Variants in FNBP1L observed in about 807,000 individuals in gnomAD.
The protein encoded by FNBP1L is formin binding protein 1 like, also known as formin-binding protein 1-like.
A neutral mutation model predicts 91.2 loss-of-function variants in FNBP1L; 36 were observed. The ratio of observed to expected loss-of-function variants is 0.39; its 90% confidence interval spans 0.30 to 0.52. The LOEUF is 0.52. Among genes scored for constraint, FNBP1L ranks in the 20% least tolerant of loss-of-function variants. The probability of loss-of-function intolerance (pLI) is 0.66; values close to 1 mark genes in which losing one functional copy is unlikely to be tolerated. For missense variants in FNBP1L, 571 were observed against 732.1 expected (o/e 0.78, Z 2.54); for synonymous variants, 242 against 237.0 (o/e 1.02, Z -0.19).
chr1:93,459,940 G>GGTGTGTGTGTGTGT (rs1557773915), intron 1 of FNBP1L, among the ~76,000 whole-genome samples: 1 of 54,830 alleles, frequency 1.8e-5, no homozygotes, highest in Non-Finnish European at 4.3e-5. Flanking sequence ...TTGGATTTCA[G>GGTGTGTGTGTGTGT]ATGTGTGTGT....
intron 1 of FNBP1L, among the ~76,000 whole-genome samples, chr1:93,485,997 C>T (rs1669882651): frequency 6.6e-6 from 1 of 152,150 alleles, no homozygotes; most frequent in Admixed American, 6.5e-5. Flanking sequence ...CGTGTCTGGC[C>T]ACATTATTTA....
intron 1 of FNBP1L, among the ~76,000 whole-genome samples, chr1:93,483,322 A>C (rs1487483871): frequency 1.3e-5 from 2 of 152,192 alleles, no homozygotes; most frequent in South Asian, 4.1e-4. Context: ...TGTGCCACTA[A>C]TGGTGCCTAG....
intron 10 of FNBP1L, among the ~76,000 whole-genome samples, chr1:93,536,749 A>G (rs1671864322): frequency 6.6e-6 from 1 of 152,054 alleles, no homozygotes; most frequent in African/African-American, 2.4e-5. Context: ...ATGTGAAATC[A>G]TATGTTCACC....
chr1:93,472,381 A>G (rs1008314958), intron 1 of FNBP1L, among the ~76,000 whole-genome samples: 2 of 152,142 alleles, frequency 1.3e-5, no homozygotes, highest in Admixed American at 1.3e-4. Flanking sequence ...AAACTACTTC[A>G]TAGTAAGTGG....
chr1:93,448,339 C>G (rs954789794), intron 1 of FNBP1L, 34 bp downstream of exon 1: 2 of 1,483,346 alleles, frequency 1.3e-6, no homozygotes, highest in Non-Finnish European at 1.8e-6. Context: ...CGCACGGACC[C>G]CGGCCCCTGA....
intron 7 of FNBP1L, 23 bp from the exon 8 acceptor site, chr1:93,532,899 T>C: frequency 6.4e-7 from 1 of 1,564,990 alleles, no homozygotes; most frequent in South Asian, 1.2e-5. Context: ...TTTTCTCTTT[T>C]TAAAAAAATT....
At chr1:93,514,024 CTG>C (rs1405825827) in intron 2 of FNBP1L, among the ~76,000 whole-genome samples, 1 of 152,136 alleles carries the variant, frequency 6.6e-6, no homozygotes, top group African/African-American at 2.4e-5. Context: ...GAAAACCCCA[CTG>C]TCTCAGCCCA....
chr1:93,467,147 G>A lies in FNBP1L; in HGVS notation c.24+18842G>A, dbSNP rs186964557. The stretch of plus-strand genomic sequence containing the variant: ...GCTGGAATTACAAGCATGAGCTACC[G>A]CGCCTAGCCAAAAGTAGGGTCTTAA... On this transcript the variant is annotated intron_variant, in intron 1 of 16. Transcript: ENST00000271234. Among the ~76,000 whole-genome samples, 249 of 152,288 alleles carry A rather than the reference G, an allele frequency of 1.6e-3. 1 individual carries two copies. Among genetic ancestry groups the A allele is most frequent in the South Asian group, 5.0e-3 (24 of 4,826 alleles).
intron 2 of FNBP1L, among the ~76,000 whole-genome samples, chr1:93,510,609 A>T (rs1670798883): frequency 6.6e-6 from 1 of 152,208 alleles, no homozygotes; most frequent in Non-Finnish European, 1.5e-5. Flanking sequence ...CTGGACGGAG[A>T]ATGACTTTGA....
chr1:93,538,131 A>C (rs1305771104), intron 10 of FNBP1L, among the ~76,000 whole-genome samples: 1 of 152,122 alleles, frequency 6.6e-6, no homozygotes. Flanking sequence ...ATTTTACACT[A>C]TATAGTCATA....
intron 1 of FNBP1L, among the ~76,000 whole-genome samples, chr1:93,483,866 A>G (rs945517056): frequency 5.9e-5 from 9 of 152,202 alleles, no homozygotes; most frequent in African/African-American, 2.2e-4. Context: ...AACACAAGGG[A>G]ACAAAGCTAA....
chr1:93,547,585 T>A, intron 14 of FNBP1L, 144 bp downstream of exon 14: 1 of 659,314 alleles, frequency 1.5e-6, no homozygotes, highest in Non-Finnish European at 2.6e-6. Context: ...TAAGTAATTT[T>A]CTTTAGTGAT....
intron 2 of FNBP1L, among the ~76,000 whole-genome samples, chr1:93,515,926 A>G (rs551018341): frequency 7.4e-4 from 112 of 152,212 alleles, no homozygotes; most frequent in African/African-American, 2.5e-3. Context: ...ATAATAATAA[A>G]AAGAGATTTT....
intron 1 of FNBP1L, among the ~76,000 whole-genome samples, chr1:93,477,417 T>C (rs1241047382): frequency 6.6e-6 from 1 of 152,226 alleles, no homozygotes; most frequent in African/African-American, 2.4e-5. Flanking sequence ...TGTAAACCTA[T>C]TTAGATTTGT....
intron 2 of FNBP1L, among the ~76,000 whole-genome samples, chr1:93,507,056 A>AACACACACAC (rs369423210): frequency 5.7e-5 from 2 of 35,018 alleles, no homozygotes; most frequent in Non-Finnish European, 1.1e-4. Flanking sequence ...AAAAACATGG[A>AACACACACAC]ACACACACAC....
At chr1:93,476,236 T>C (rs1437971656) in intron 1 of FNBP1L, among the ~76,000 whole-genome samples, 2 of 152,236 alleles carry the variant, frequency 1.3e-5, no homozygotes, top group African/African-American at 4.8e-5. Flanking sequence ...TAGTAGACTG[T>C]AAACTCTTAA....
At chr1:93,503,660 T>A (rs1462029227) in intron 2 of FNBP1L, among the ~76,000 whole-genome samples, 1 of 152,208 alleles carries the variant, frequency 6.6e-6, no homozygotes, top group Non-Finnish European at 1.5e-5. Context: ...GGAGACATAG[T>A]TATATGCAAT....
At chr1:93,529,821 C>T (rs1013314799) in intron 6 of FNBP1L, 65 bp downstream of exon 6, 8 of 947,146 alleles carry the variant, frequency 8.4e-6, no homozygotes, top group African/African-American at 3.4e-5. Flanking sequence ...AAAGTAGTCA[C>T]GACATTTGTA....
chr1:93,520,679 A>C (rs1437014432), intron 2 of FNBP1L, among the ~76,000 whole-genome samples: 1 of 152,110 alleles, frequency 6.6e-6, no homozygotes, highest in African/African-American at 2.4e-5. Context: ...TGGGGTAGGT[A>C]CTGTTTGCAC....
Sources: allele counts gnomAD v4.1 joint callset (sites outside exome capture counted in the v4.1 genomes callset), GRCh38; gene constraint gnomAD v4.1.1; transcripts MANE v1.5; gene names NCBI Gene and HGNC (gene_info 2026-07-23, HGNC 2026-07-21).